The following PLCH1 variants were observed in gnomAD, a reference collection of about 807,000 sequenced individuals.
The protein encoded by PLCH1 is phospholipase C eta 1, also known as 1-phosphatidylinositol 4,5-bisphosphate phosphodiesterase eta-1.
Under a neutral mutation model 126.7 loss-of-function variants are expected in PLCH1, and 60 were observed. That is an observed-to-expected ratio of 0.47 (90% CI 0.38 to 0.59). The LOEUF (loss-of-function observed/expected upper bound fraction) is 0.59. PLCH1 is among the 20% of genes least tolerant of loss of function. PLCH1 has a pLI of 0.00. For missense variants in PLCH1, 1,723 were observed against 2,040.0 expected (o/e 0.84, Z 2.99); for synonymous variants, 719 against 734.9 (o/e 0.98, Z 0.35).
At chr3:155,678,592 C>A (rs1050988242) in intron 2 of PLCH1, among the ~76,000 whole-genome samples, 1 of 152,176 alleles carries the variant, frequency 6.6e-6, no homozygotes, top group Non-Finnish European at 1.5e-5. Flanking sequence ...GAATGAATAA[C>A]CACATCTCTG....
At chr3:155,741,225 T>C (rs1051931442) in intron 1 of PLCH1, among the ~76,000 whole-genome samples, 2 of 152,188 alleles carry the variant, frequency 1.3e-5, no homozygotes, top group African/African-American at 4.8e-5. Flanking sequence ...CACTGAACTG[T>C]GTCTAAATGA....
chr3:155,561,420 G>T (rs1727596857), intron 8 of PLCH1, among the ~76,000 whole-genome samples: 1 of 151,688 alleles, frequency 6.6e-6, no homozygotes, highest in Non-Finnish European at 1.5e-5. Flanking sequence ...TCCTGAGAAT[G>T]ATGATTTCCA....
intron 2 of PLCH1, among the ~76,000 whole-genome samples, chr3:155,617,175 C>G (rs1278819335): frequency 6.6e-6 from 1 of 152,124 alleles, no homozygotes; most frequent in Admixed American, 6.5e-5. Flanking sequence ...GTGTCTTTAA[C>G]TGTGACTGTC....
Position 155,485,720 on chromosome 3 carries a change from C to CAA in PLCH1, c.2620-12_2620-11dup, listed in dbSNP as rs1051370247. 2.6e-6 allele frequency: 4 copies of CAA among 1,530,770 alleles called. No homozygotes were observed. Among genetic ancestry groups the CAA allele is most frequent in the Non-Finnish European group, 3.6e-6 (4 of 1,126,642 alleles). 94.8% of individuals were successfully genotyped at this position (1,530,770 alleles called of 1,614,324 possible). On this transcript the variant is annotated splice_polypyrimidine_tract_variant and intron_variant, in intron 21 of 22. Transcript: ENST00000460012. ...CCTGGAGTTGTCTGTTCTGAAGACA[C>CAA]AAAAGAACCAACCACAAGTTAAGCA...
chr3:155,488,315 G>A (rs1481171493), intron 20 of PLCH1, among the ~76,000 whole-genome samples: 3 of 151,732 alleles, frequency 2.0e-5, no homozygotes, highest in Admixed American at 1.3e-4. Flanking sequence ...CTCCTGCCTC[G>A]GCTTCCCGAA....
intron 2 of PLCH1, among the ~76,000 whole-genome samples, chr3:155,607,762 C>T (rs1227690234): frequency 6.6e-6 from 1 of 152,106 alleles, no homozygotes; most frequent in East Asian, 1.9e-4. Flanking sequence ...ATAAAAATAT[C>T]TTCAAAATAT....
intron 2 of PLCH1, among the ~76,000 whole-genome samples, chr3:155,616,097 T>G (rs1427161029): frequency 6.6e-6 from 1 of 152,136 alleles, no homozygotes; most frequent in African/African-American, 2.4e-5. Context: ...CCCCTAGCTA[T>G]GCTAGAAAGA....
At chr3:155,458,449 GGAAGGAAAGAAAGAAAGAAAGAAA>G (rs1712544275) in intron 21 of PLCH1, among the ~76,000 whole-genome samples, 1 of 31,642 alleles carries the variant, frequency 3.2e-5, no homozygotes, top group South Asian at 1.3e-3. Flanking sequence ...AAGGAAGGAA[GGAAGGAAAGAAAGAAAGAAAGAAA>G]GAAAGAAAGA....
Position 155,728,872 on chromosome 3 carries a change from G to T in PLCH1, c.-41+15968C>A, listed in dbSNP as rs148345476. Among the ~76,000 whole-genome samples the T allele has an allele frequency of 2.0e-5, 3 of 152,262 alleles. No individual in the cohort carries two copies. In the East Asian group the frequency reaches 5.8e-4, roughly 29 times the overall value. On this transcript the variant is annotated intron_variant, in intron 1 of 22. Transcript: ENST00000460012. ...GGTAATTAGATTTCAACTCTCAGTG[G>T]CCATCAATCTGGAACTCTAGCCCAA...
intron 11 of PLCH1, among the ~76,000 whole-genome samples, chr3:155,523,166 C>T (rs933923113): frequency 1.3e-5 from 2 of 151,986 alleles, no homozygotes; most frequent in Admixed American, 1.3e-4. Flanking sequence ...TTAGTAGAGA[C>T]GGGGTTTCAC....
intron 1 of PLCH1, among the ~76,000 whole-genome samples, chr3:155,705,243 A>C (rs1416875763): frequency 2.0e-5 from 3 of 152,210 alleles, no homozygotes; most frequent in Non-Finnish European, 4.4e-5. Flanking sequence ...AGTGTTGTCT[A>C]TTCATTAATG....
intron 10 of PLCH1, among the ~76,000 whole-genome samples, chr3:155,548,897 C>G (rs1364711024): frequency 6.6e-6 from 1 of 152,128 alleles, no homozygotes; most frequent in African/African-American, 2.4e-5. Context: ...TGCTGCTCTC[C>G]CTTAAAGCCC....
At chr3:155,633,449 A>AC (rs1738311297) in intron 2 of PLCH1, among the ~76,000 whole-genome samples, 3 of 132,644 alleles carry the variant, frequency 2.3e-5, no homozygotes, top group Non-Finnish European at 3.2e-5. Context: ...CACACACACA[A>AC]ACATAAACAC....
intron 6 of PLCH1, among the ~76,000 whole-genome samples, chr3:155,582,981 A>G (rs758653113): frequency 2.6e-5 from 4 of 151,850 alleles, no homozygotes; most frequent in Admixed American, 6.6e-5. Flanking sequence ...GCAATTTACT[A>G]TCAGAATTAC....
At chr3:155,568,809 G>A (rs750330120) in intron 6 of PLCH1, among the ~76,000 whole-genome samples, 4 of 144,264 alleles carry the variant, frequency 2.8e-5, no homozygotes, top group African/African-American at 5.4e-5. Context: ...CATCCACTGA[G>A]CAGAGCAGTC....
intron 21 of PLCH1, among the ~76,000 whole-genome samples, chr3:155,471,661 G>C (rs1196438952): frequency 6.9e-6 from 1 of 145,716 alleles, no homozygotes; most frequent in Non-Finnish European, 1.5e-5. Flanking sequence ...TTCCAAAATT[G>C]ACCACATACT....
intron 4 of PLCH1, among the ~76,000 whole-genome samples, chr3:155,588,540 C>A (rs1577078285): frequency 6.6e-6 from 1 of 152,146 alleles, no homozygotes; most frequent in African/African-American, 2.4e-5. Flanking sequence ...CTCTATAATT[C>A]TTTATCAAAT....
intron 20 of PLCH1, 37 bp downstream of exon 20, chr3:155,488,623 T>C (rs1411138892): frequency 6.5e-7 from 1 of 1,535,504 alleles, no homozygotes; most frequent in South Asian, 1.2e-5. Context: ...TAAAAAGGAA[T>C]GGTCAGTCTA....
At position 155,468,564 on chromosome 3, in the gene PLCH1, T is replaced by C. The variant is rs754955591; in HGVS notation, c.2938+16792A>G. On this transcript the variant is annotated intron_variant, in intron 21 of 21. Transcript: ENST00000494598. ...GATGGAAAAAGGCATTCCATGCTAATGGAAACCAAAAAAGAGCAGGAGTCA... is the reference window on the plus strand; with the variant it reads ...GATGGAAAAAGGCATTCCATGCTAACGGAAACCAAAAAAGAGCAGGAGTCA... 5.3e-5 allele frequency among the ~76,000 whole-genome samples: 8 copies of C among 151,998 alleles called. No individual in the cohort carries two copies. In the East Asian group the frequency reaches 9.6e-4, roughly 18 times the overall value.
Sources: allele counts gnomAD v4.1 joint callset (sites outside exome capture counted in the v4.1 genomes callset), GRCh38; gene constraint gnomAD v4.1.1; transcripts MANE v1.5; gene names NCBI Gene and HGNC (gene_info 2026-07-23, HGNC 2026-07-21).